SYT9: variants seen among roughly 807,000 people sequenced by gnomAD.
SYT9 encodes the protein synaptotagmin 9.
A neutral mutation model predicts 48.4 loss-of-function variants in SYT9; 22 were observed. The observed-to-expected ratio is 0.45, with a 90% CI of 0.32 to 0.65. The LOEUF is 0.65. SYT9 is among the 30% of genes least tolerant of loss of function. The pLI is 0.03. For missense variants in SYT9, 577 were observed against 622.0 expected, an observed-to-expected ratio of 0.93 and a Z score of 0.77; for synonymous variants, 265 against 245.0, an observed-to-expected ratio of 1.08 and a Z score of -0.76.
intron 2 of SYT9, among the ~76,000 whole-genome samples, chr11:7,309,331 C>A (rs994410396): frequency 6.6e-6 from 1 of 152,162 alleles, no homozygotes; most frequent in African/African-American, 2.4e-5. Context: ...GACCCACTGT[C>A]GTTGGGGTCC....
At chr11:7,335,912 C>T (rs552612971) in intron 3 of SYT9, among the ~76,000 whole-genome samples, 9 of 151,984 alleles carry the variant, frequency 5.9e-5, no homozygotes, top group African/African-American at 1.4e-4. Flanking sequence ...AGCTCATTAT[C>T]GCCACACTGC....
intron 6 of SYT9, among the ~76,000 whole-genome samples, chr11:7,426,084 G>A (rs1590020159): frequency 6.6e-6 from 1 of 152,100 alleles, no homozygotes; most frequent in East Asian, 1.9e-4. Flanking sequence ...TCTTTTCCAG[G>A]TTATGTCAGT....
intron 1 of SYT9, among the ~76,000 whole-genome samples, chr11:7,240,084 G>A (rs12708351): frequency 0.2 from 30,356 of 152,012 alleles, 6,288 homozygotes; most frequent in African/African-American, 0.53. Flanking sequence ...GTGGCATGCC[G>A]ACAGTTAGAG....
At chr11:7,302,724 A>G (rs1396160251) in intron 1 of SYT9, among the ~76,000 whole-genome samples, 2 of 152,226 alleles carry the variant, frequency 1.3e-5, no homozygotes, top group Admixed American at 1.3e-4. Flanking sequence ...ATAGAGTCTC[A>G]TTTAACTTGA....
At chr11:7,372,973 C>A (rs1850389618) in intron 3 of SYT9, among the ~76,000 whole-genome samples, 1 of 151,946 alleles carries the variant, frequency 6.6e-6, no homozygotes, top group South Asian at 2.1e-4. Context: ...TAAATATTCC[C>A]CAATATTTTT....
At chr11:7,347,127 T>C (rs1849813832) in intron 3 of SYT9, among the ~76,000 whole-genome samples, 1 of 152,210 alleles carries the variant, frequency 6.6e-6, no homozygotes, top group Admixed American at 6.5e-5. Flanking sequence ...AAAGGAAGCT[T>C]GTCTGTCTTC....
In SYT9 at chr11:7,431,820, G is replaced by C. The variant is rs558015705; in HGVS notation, c.1467+11185G>C. Among the ~76,000 whole-genome samples the C allele has an allele frequency of 5.9e-5, 9 of 152,368 alleles. No homozygotes were observed. In the East Asian group the frequency reaches 1.7e-3, roughly 29 times the overall value. On this transcript the variant is annotated intron_variant, in intron 6 of 6. Coordinates refer to ENST00000318881, the MANE Select transcript of SYT9 (RefSeq NM_175733.4). ...TCCATGTGGCATTAAGCCTGCAGGT[G>C]CTTAACTGTGGGTACCAGAGTGAAG...
intron 2 of SYT9, among the ~76,000 whole-genome samples, chr11:7,312,932 A>C (rs1453866914): frequency 6.6e-6 from 1 of 152,254 alleles, no homozygotes; most frequent in Non-Finnish European, 1.5e-5. Context: ...ATCCTTATAA[A>C]GCTATAAGCC....
intron 3 of SYT9, among the ~76,000 whole-genome samples, chr11:7,376,302 C>T (rs369457366): frequency 1.7e-4 from 26 of 148,760 alleles, no homozygotes; most frequent in African/African-American, 6.0e-4. Context: ...CTCTTTATCT[C>T]TTCCTTTCTC....
intron 2 of SYT9, among the ~76,000 whole-genome samples, chr11:7,310,376 C>T (rs140130154): frequency 4.1e-4 from 62 of 151,952 alleles, no homozygotes; most frequent in African/African-American, 1.4e-3. Flanking sequence ...TCAAGTGATC[C>T]ACCCACCTTG....
At chr11:7,265,269 C>T (rs1848156879) in intron 1 of SYT9, among the ~76,000 whole-genome samples, 1 of 152,072 alleles carries the variant, frequency 6.6e-6, no homozygotes, top group Non-Finnish European at 1.5e-5. Flanking sequence ...TATGACATCT[C>T]ATGCAGATGT....
chr11:7,396,908 A>G (rs565046667), intron 3 of SYT9, among the ~76,000 whole-genome samples: 2 of 152,218 alleles, frequency 1.3e-5, no homozygotes, highest in East Asian at 1.9e-4. Flanking sequence ...ACAGTCTTTT[A>G]TTGGCTTTAT....
intron 3 of SYT9, among the ~76,000 whole-genome samples, chr11:7,344,009 C>T (rs1363865472): frequency 6.6e-6 from 1 of 152,176 alleles, no homozygotes; most frequent in East Asian, 1.9e-4. Context: ...TTATCTCCCA[C>T]CAGGTCCCTC....
chr11:7,319,208 T>G (rs1849296856), intron 3 of SYT9, among the ~76,000 whole-genome samples: 1 of 147,126 alleles, frequency 6.8e-6, no homozygotes, highest in East Asian at 2.0e-4. Context: ...TTTTTTTTTT[T>G]TTTTTTGAGA....
chr11:7,319,802 A>C (rs1271394606), intron 3 of SYT9, among the ~76,000 whole-genome samples: 8 of 152,176 alleles, frequency 5.3e-5, no homozygotes, highest in Non-Finnish European at 2.9e-5. Context: ...CCAGAAGCTA[A>C]GCCACCAGAG....
At chr11:7,264,661 G>C (rs144811585) in intron 1 of SYT9, among the ~76,000 whole-genome samples, 4 of 152,164 alleles carry the variant, frequency 2.6e-5, no homozygotes, top group African/African-American at 4.8e-5. Context: ...TCAAGATTCT[G>C]GAGGAGCTGC....
chr11:7,406,305 C>T (rs1847006695), intron 3 of SYT9, among the ~76,000 whole-genome samples: 2 of 151,912 alleles, frequency 1.3e-5, no homozygotes. Flanking sequence ...TAACCAACTT[C>T]CCTATATCCC....
chr11:7,460,569 G>A (rs564099431), intron 6 of SYT9, among the ~76,000 whole-genome samples: 2 of 152,210 alleles, frequency 1.3e-5, no homozygotes, highest in East Asian at 3.9e-4. Context: ...TAGGTGAAAT[G>A]ATGTTAAGCA....
intron 3 of SYT9, among the ~76,000 whole-genome samples, chr11:7,363,611 C>G (rs1850186758): frequency 6.6e-6 from 1 of 152,110 alleles, no homozygotes; most frequent in African/African-American, 2.4e-5. Flanking sequence ...AAAGCAGTGC[C>G]TGGTCCCAAG....
Sources: allele counts gnomAD v4.1 joint callset (sites outside exome capture counted in the v4.1 genomes callset), GRCh38; gene constraint gnomAD v4.1.1; transcripts MANE v1.5; gene names NCBI Gene and HGNC (gene_info 2026-07-23, HGNC 2026-07-21).